The following CSMD3 variants were observed in gnomAD, a reference collection of about 807,000 sequenced individuals.
CSMD3 encodes the protein CUB and Sushi multiple domains 3, also known as CUB and sushi domain-containing protein 3.
CSMD3 carries 177 observed loss-of-function variants against 435.2 expected under a neutral mutation model. The observed-to-expected ratio is 0.41, with a 90% CI of 0.36 to 0.46. The LOEUF is 0.46. Among genes scored for constraint, CSMD3 ranks in the 20% least tolerant of loss-of-function variants. The probability of loss-of-function intolerance (pLI) is 0.34; values close to 1 mark genes in which losing one functional copy is unlikely to be tolerated. For synonymous variants in CSMD3, 1,656 were observed against 1,520.5 expected, an observed-to-expected ratio of 1.09 and a Z score of -2.07; for missense variants, 4,265 against 4,504.6, an observed-to-expected ratio of 0.95 and a Z score of 1.52.
intron 4 of CSMD3, among the ~76,000 whole-genome samples, chr8:113,106,337 T>A (rs1344770539): frequency 6.6e-6 from 1 of 151,522 alleles, no homozygotes; most frequent in Admixed American, 6.6e-5. Flanking sequence ...AAAAAAAAAA[T>A]ACTCAATGGG....
At chr8:112,817,159 A>G (rs1270968992) in intron 12 of CSMD3, among the ~76,000 whole-genome samples, 1 of 152,130 alleles carries the variant, frequency 6.6e-6, no homozygotes, top group Non-Finnish European at 1.5e-5. Flanking sequence ...TAGTTCTTAC[A>G]GTGTTACCAT....
chr8:112,248,466 G>GA (rs1814964163), intron 63 of CSMD3, among the ~76,000 whole-genome samples: 1 of 152,090 alleles, frequency 6.6e-6, no homozygotes, highest in Non-Finnish European at 1.5e-5. Flanking sequence ...ACAATCACAA[G>GA]AAAAAAATCA....
At chr8:112,683,114 T>C (rs1048418276) in intron 15 of CSMD3, among the ~76,000 whole-genome samples, 1 of 151,992 alleles carries the variant, frequency 6.6e-6, no homozygotes, top group Non-Finnish European at 1.5e-5. Flanking sequence ...CAATCTAGTA[T>C]GAAACTGTTA....
chr8:112,901,732 G>A (rs144548348), intron 10 of CSMD3, among the ~76,000 whole-genome samples: 50 of 151,370 alleles, frequency 3.3e-4, no homozygotes, highest in African/African-American at 1.1e-3. Flanking sequence ...ATTCTCAGCT[G>A]TCTTTGCTGG....
chr8:112,759,898 C>A (rs2132142324), intron 13 of CSMD3, among the ~76,000 whole-genome samples: 1 of 152,126 alleles, frequency 6.6e-6, no homozygotes, highest in East Asian at 1.9e-4. Context: ...GGGTGTCAGG[C>A]ACTTTTCTAA....
intron 28 of CSMD3, among the ~76,000 whole-genome samples, chr8:112,516,733 A>T (rs1226126481): frequency 1.3e-5 from 2 of 152,158 alleles, no homozygotes; most frequent in Non-Finnish European, 2.9e-5. Flanking sequence ...TCCACTCTTT[A>T]AGCAATGGAT....
Position 112,713,113 on chromosome 8 carries a change from T to G in CSMD3, c.1973-23063A>C, listed in dbSNP as rs551096454. 3.3e-5 allele frequency among the ~76,000 whole-genome samples: 5 copies of G among 152,008 alleles called. No individual in the cohort carries two copies. The East Asian group carries it at 9.8e-4, about 30-fold the overall frequency. ...ACCAACAGAGAGAAAGGAAGAGCAG[T>G]GTGGTGCAGCAGCCCACCTGAGAGC... On this transcript the variant is annotated intron_variant, in intron 13 of 70. Transcript: ENST00000297405.
At chr8:112,297,801 G>T (rs549737200) in intron 53 of CSMD3, among the ~76,000 whole-genome samples, 6 of 151,942 alleles carry the variant, frequency 3.9e-5, no homozygotes, top group Non-Finnish European at 8.8e-5. Flanking sequence ...TATACTGACA[G>T]CAAACAATTG....
chr8:112,493,090 T>A (rs2056426), intron 30 of CSMD3, among the ~76,000 whole-genome samples: 5 of 152,252 alleles, frequency 3.3e-5, no homozygotes, highest in South Asian at 4.1e-4. Flanking sequence ...AGCAGCAGCA[T>A]CATTTCTGTC....
rs192067768 is a variant in CSMD3, at chr8:112,391,683, C to A, written c.5810-895G>T. 1.3e-3 allele frequency among the ~76,000 whole-genome samples: 172 copies of A among 132,070 alleles called. 1 individual carries two copies. Among genetic ancestry groups the A allele is most frequent in the African/African-American group, 4.2e-3 (164 of 38,888 alleles). 86.6% of individuals were successfully genotyped at this position (132,070 alleles called of 152,430 possible). A position where few individuals can be genotyped will look rare whatever the true frequency, so the allele number is the denominator to read the frequency against. ...CTCCAGCCTAGGAGACAGGATAAGA[C>A]TCCATCTCAAAAAAAAAAAAAGATG... On this transcript the variant is annotated intron_variant, in intron 35 of 70. Transcript: ENST00000297405.
chr8:113,327,668 T>C (rs1057407504), intron 1 of CSMD3, among the ~76,000 whole-genome samples: 1 of 152,090 alleles, frequency 6.6e-6, no homozygotes, highest in Non-Finnish European at 1.5e-5. Context: ...ATTTAACCTA[T>C]CTTGCATTCC....
intron 3 of CSMD3, among the ~76,000 whole-genome samples, chr8:113,202,791 A>G (rs10955651): frequency 0.03 from 4,518 of 152,236 alleles, 87 homozygotes; most frequent in Non-Finnish European, 0.04. Context: ...ATCTGTAGGT[A>G]TAGACTTTAT....
intron 22 of CSMD3, among the ~76,000 whole-genome samples, chr8:112,591,947 G>C (rs1831228939): frequency 6.6e-6 from 1 of 151,878 alleles, no homozygotes; most frequent in Admixed American, 6.6e-5. Flanking sequence ...CCCTAAAAAA[G>C]CAAAAATGTT....
At chr8:112,810,091 G>C (rs2079183997) in intron 12 of CSMD3, among the ~76,000 whole-genome samples, 1 of 152,054 alleles carries the variant, frequency 6.6e-6, no homozygotes, top group South Asian at 2.1e-4. Context: ...GTTGAGTTCA[G>C]TCTCTCTCCC....
chr8:112,934,643 A>G (rs2130728928), intron 9 of CSMD3, among the ~76,000 whole-genome samples: 1 of 152,300 alleles, frequency 6.6e-6, no homozygotes, highest in East Asian at 1.9e-4. Context: ...GCAGTGCACA[A>G]TGCTAAGTTT....
chr8:113,023,472 C>T (rs2086760026), intron 5 of CSMD3, among the ~76,000 whole-genome samples: 1 of 152,012 alleles, frequency 6.6e-6, no homozygotes, highest in African/African-American at 2.4e-5. Flanking sequence ...TTTTGACCTC[C>T]TTCCTTCTCT....
At chr8:112,693,877 C>T (rs190736620) in intron 13 of CSMD3, among the ~76,000 whole-genome samples, 29 of 151,574 alleles carry the variant, frequency 1.9e-4, no homozygotes, top group Admixed American at 1.9e-3. Flanking sequence ...TCAATAATTC[C>T]ATATGTATAT....
At chr8:112,232,752 G>A (rs768831173) in intron 68 of CSMD3, among the ~76,000 whole-genome samples, 3 of 152,180 alleles carry the variant, frequency 2.0e-5, no homozygotes, top group Non-Finnish European at 2.9e-5. Context: ...CAAGAAAAAG[G>A]CATAGGTCAA....
chr8:112,591,589 A>G (rs1341067735), intron 22 of CSMD3, among the ~76,000 whole-genome samples: 2 of 152,092 alleles, frequency 1.3e-5, no homozygotes, highest in Non-Finnish European at 1.5e-5. Context: ...TTATTTTTAA[A>G]CTGTTTTGTG....
Sources: allele counts gnomAD v4.1 joint callset (sites outside exome capture counted in the v4.1 genomes callset), GRCh38; gene constraint gnomAD v4.1.1; transcripts MANE v1.5; gene names NCBI Gene and HGNC (gene_info 2026-07-23, HGNC 2026-07-21).